Variants in RHBDL3 observed in about 807,000 individuals in gnomAD.
The protein encoded by RHBDL3 is rhomboid-related protein 3.
A neutral mutation model predicts 48.2 loss-of-function variants in RHBDL3; 28 were observed. That is an observed-to-expected ratio of 0.58 (90% CI 0.43 to 0.80). The LOEUF is 0.80. Among genes scored for constraint, RHBDL3 ranks in the 30% least tolerant of loss-of-function variants. RHBDL3 has a pLI of 0.00. For synonymous variants in RHBDL3, 208 were observed against 232.3 expected (o/e 0.90, Z 0.95); for missense variants, 464 against 542.7 (o/e 0.85, Z 1.44).
intron 2 of RHBDL3, among the ~76,000 whole-genome samples, chr17:32,283,317 CTTTTTTTTTTT>C (rs1156849774): frequency 3.2e-5 from 3 of 92,956 alleles, no homozygotes; most frequent in African/African-American, 8.7e-5. Context: ...GCCTTTTCTT[CTTTTTTTTTTT>C]TTTTTTTTTT....
At position 32,321,111 on chromosome 17, in the gene RHBDL3, A is replaced by T; in HGVS notation, c.1097A>T (p.Gln366Leu). 2 of 1,614,264 alleles carry T rather than the reference A, an allele frequency of 1.2e-6. No individual in the cohort carries two copies. Among genetic ancestry groups the T allele is most frequent in the South Asian group, 2.2e-5 (2 of 91,088 alleles). ...VVLRNYEQRL[Q>L]DQSLWWIFVA... ...CTGAGGAACTACGAGCAGAGGCTCC[A>T]GGACCAGTCACTGTGGTGGATTTTT... Residue 366 changes from glutamine (Q) to leucine (L), a missense_variant, in exon 9 of 9, where the codon CAG becomes CTG. Transcript: ENST00000269051.
chr17:32,321,430 G>T lies in RHBDL3; in HGVS notation c.*201G>T, dbSNP rs1236836090. 6.8e-7 allele frequency: 1 copy of T among 1,474,604 alleles called. No individual in the cohort carries two copies. The highest frequency in any genetic ancestry group is 2.5e-5 in the East Asian group (1 of 40,260). The allele number at this position is 1,474,604 out of a possible 1,614,324, so 91.3% of individuals were successfully genotyped here. ...GGCATCTGGCGGAGGAGTTGATGTG[G>T]CTGCTGTCGTTTTTCTCGGCTGCTC... On this transcript the variant is annotated 3_prime_UTR_variant, in exon 9 of 9. Coordinates refer to ENST00000269051, the MANE Select transcript of RHBDL3 (RefSeq NM_138328.3).
chr17:32,302,553 T>TATA (rs1567782237), intron 6 of RHBDL3, among the ~76,000 whole-genome samples: 13 of 60,548 alleles, frequency 2.1e-4, no homozygotes, highest in East Asian at 8.3e-4. Context: ...ATATATATAT[T>TATA]TTTTTTTAGT....
intron 2 of RHBDL3, 145 bp from the exon 3 acceptor site, chr17:32,284,514 G>T: frequency 2.9e-6 from 2 of 688,050 alleles, no homozygotes; most frequent in East Asian, 2.7e-5. Context: ...TCCCAGGGGG[G>T]TCCTTGGAAA....
At chr17:32,309,295 G>T (rs1023186323) in intron 7 of RHBDL3, among the ~76,000 whole-genome samples, 10 of 151,886 alleles carry the variant, frequency 6.6e-5, no homozygotes, top group Non-Finnish European at 1.5e-4. Flanking sequence ...GCTCACGCCT[G>T]TAATCCCGGC....
intron 3 of RHBDL3, among the ~76,000 whole-genome samples, chr17:32,287,139 A>G (rs905613963): frequency 2.0e-5 from 3 of 152,162 alleles, no homozygotes; most frequent in African/African-American, 7.2e-5. Context: ...TGTAAGCTCC[A>G]TGAGGCCTGG....
At chr17:32,303,323 A>C (rs925012755) in intron 6 of RHBDL3, among the ~76,000 whole-genome samples, 4 of 152,148 alleles carry the variant, frequency 2.6e-5, no homozygotes, top group Non-Finnish European at 5.9e-5. Context: ...CTCTGTCCAA[A>C]AGGTAATTAA....
At chr17:32,291,618 T>C (rs1174788450) in intron 4 of RHBDL3, among the ~76,000 whole-genome samples, 1 of 149,470 alleles carries the variant, frequency 6.7e-6, no homozygotes, top group Non-Finnish European at 1.5e-5. Flanking sequence ...GAGGCAGAGG[T>C]TGCAGTGAGC....
chr17:32,268,970 A>G (rs943975517), intron 2 of RHBDL3, among the ~76,000 whole-genome samples: 1 of 152,128 alleles, frequency 6.6e-6, no homozygotes, highest in Non-Finnish European at 1.5e-5. Context: ...GGACATGGTG[A>G]TGGAAGAATT....
intron 6 of RHBDL3, among the ~76,000 whole-genome samples, chr17:32,301,169 T>C (rs2040574242): frequency 6.6e-6 from 1 of 151,412 alleles, no homozygotes; most frequent in Non-Finnish European, 1.5e-5. Context: ...CGTGAGCCAC[T>C]GCGCCTGGCA....
intron 5 of RHBDL3, among the ~76,000 whole-genome samples, chr17:32,295,524 C>T (rs925384251): frequency 2.0e-5 from 3 of 152,224 alleles, no homozygotes; most frequent in Admixed American, 6.5e-5. Context: ...CCAGGGGTGA[C>T]AACAGACACG....
At chr17:32,306,699 T>C (rs2040718631) in intron 7 of RHBDL3, among the ~76,000 whole-genome samples, 1 of 152,104 alleles carries the variant, frequency 6.6e-6, no homozygotes, top group South Asian at 2.1e-4. Flanking sequence ...GTGGGCAGAT[T>C]GCATTGAGTT....
chr17:32,307,108 C>CT (rs754766385), intron 7 of RHBDL3, among the ~76,000 whole-genome samples: 6 of 152,142 alleles, frequency 3.9e-5, no homozygotes, highest in Non-Finnish European at 8.8e-5. Context: ...ATATCAAAAT[C>CT]CTTTTTTTGG....
In RHBDL3 at chr17:32,313,751, CTT is replaced by C. The variant is rs559422433; in HGVS notation, c.883-2458_883-2457del. Reference sequence around the variant, plus strand: ...TGTAACATGGGTCAGAATTCCCTCCCTTTTTTTTTTTTTTTTTTTTTTTTGAG... The same window carrying C: ...TGTAACATGGGTCAGAATTCCCTCCCTTTTTTTTTTTTTTTTTTTTTTGAG... On this transcript the variant is annotated intron_variant, in intron 7 of 8. Transcript: ENST00000269051. Among the ~76,000 whole-genome samples the C allele has an allele frequency of 6.0e-3, 592 of 98,544 alleles. 2 individuals are homozygous for C. Among genetic ancestry groups the C allele is most frequent in the African/African-American group, 0.022 (569 of 26,202 alleles). 64.6% of individuals were successfully genotyped at this position (98,544 alleles called of 152,430 possible). A position where few individuals can be genotyped will look rare whatever the true frequency, so the allele number is the denominator to read the frequency against.
At chr17:32,270,908 T>C (rs1334684788) in intron 2 of RHBDL3, among the ~76,000 whole-genome samples, 1 of 152,204 alleles carries the variant, frequency 6.6e-6, no homozygotes, top group Non-Finnish European at 1.5e-5. Flanking sequence ...AGTAAAGATG[T>C]TTTATTTTTC....
intron 4 of RHBDL3, among the ~76,000 whole-genome samples, chr17:32,290,116 T>TG (rs2040292661): frequency 6.6e-6 from 1 of 152,142 alleles, no homozygotes; most frequent in Non-Finnish European, 1.5e-5. Flanking sequence ...GCCACCCTCA[T>TG]GGTATTAGGT....
chr17:32,306,857 G>T (rs533666908), intron 7 of RHBDL3, among the ~76,000 whole-genome samples: 1 of 152,228 alleles, frequency 6.6e-6, no homozygotes, highest in Admixed American at 6.5e-5. Flanking sequence ...GGAAGCAGAG[G>T]TTACAGTGAG....
intron 2 of RHBDL3, among the ~76,000 whole-genome samples, chr17:32,280,171 C>CA (rs2040009504): frequency 6.6e-6 from 1 of 152,192 alleles, no homozygotes; most frequent in South Asian, 2.1e-4. Flanking sequence ...AGGCAGCTTC[C>CA]AGGACGCTCC....
chr17:32,294,863 G>A lies in RHBDL3; in HGVS notation c.668+421G>A, dbSNP rs530994281. Among the ~76,000 whole-genome samples, 3 of 152,246 alleles carry A rather than the reference G, an allele frequency of 2.0e-5. No homozygotes were observed. In the South Asian group the frequency reaches 6.2e-4, roughly 32 times the overall value. On this transcript the variant is annotated intron_variant, in intron 5 of 8. Coordinates refer to ENST00000269051, the MANE Select transcript of RHBDL3 (RefSeq NM_138328.3). ...CCAGTGTGGTCTCCATATATAGAGA[G>A]GGTCTTCTTGAGGAACTCTGACGAT... is the stretch of plus-strand genomic sequence containing the variant.
Sources: gnomAD v4.1 joint callset for allele counts (sites outside exome capture counted in the v4.1 genomes callset) on GRCh38, gnomAD v4.1.1 for gene constraint, MANE v1.5 for transcripts, NCBI Gene and HGNC (gene_info 2026-07-23, HGNC 2026-07-21) for gene names.